ZNF91: variants seen among roughly 807,000 people sequenced by gnomAD.
ZNF91 encodes the protein zinc finger protein 91 (HPF7, HTF10).
Under a neutral mutation model 12.6 loss-of-function variants are expected in ZNF91, and 7 were observed. The ratio of observed to expected loss-of-function variants is 0.55; its 90% CI spans 0.31 to 1.04. The LOEUF is 1.04. Ranked by LOEUF, ZNF91 falls within the 50% of genes least tolerant of loss-of-function variation. ZNF91 has a pLI of 0.05. For missense variants in ZNF91, 1,217 were observed against 1,385.4 expected, an observed-to-expected ratio of 0.88 and a Z score of 1.93; for synonymous variants, 453 against 462.6, an observed-to-expected ratio of 0.98 and a Z score of 0.27.
chr19:23,305,541 C>T (rs1411959050), intron 3 of ZNF91, among the ~76,000 whole-genome samples: 7 of 152,200 alleles, frequency 4.6e-5, no homozygotes, highest in Admixed American at 2.0e-4. Context: ...AGTCAATTAA[C>T]TCAAATCAGG....
chr19:23,387,629 T>C (rs976609838), intron 1 of ZNF91, among the ~76,000 whole-genome samples: 1 of 152,078 alleles, frequency 6.6e-6, no homozygotes, highest in Non-Finnish European at 1.5e-5. Flanking sequence ...CCCAGCTACT[T>C]GGAAGGCTGA....
rs565252655 is a variant in ZNF91 at position 23,323,350 on chromosome 19, C to T, written n.117-14253G>A. 8.5e-3 allele frequency among the ~76,000 whole-genome samples: 1,221 copies of T among 144,136 alleles called. 11 individuals are homozygous for T. The highest frequency in any genetic ancestry group is 0.012 in the Non-Finnish European group (797 of 64,952). 94.6% of individuals were successfully genotyped at this position (144,136 alleles called of 152,430 possible). A position where few individuals can be genotyped will look rare whatever the true frequency, so the allele number is the denominator to read the frequency against. On this transcript the variant is annotated intron_variant and non_coding_transcript_variant, in intron 1 of 1. Transcript: ENST00000596528. ...TTCTCCTCGTCCTCCTCCTCCTCTC[C>T]CCCTCCTTTCCTCCTCTTCCCTTCC...
chr19:23,354,650 G>A (rs1968444690), downstream of ZNF91, among the ~76,000 whole-genome samples: 1 of 152,062 alleles, frequency 6.6e-6, no homozygotes, highest in South Asian at 2.1e-4. Context: ...GAAATGAAGG[G>A]CATCCAAATC....
Position 23,362,418 on chromosome 19 carries a change from A to G in ZNF91, c.561T>C (p.Cys187=), listed in dbSNP as rs370172224. ...GTAAACGGATGCAAAATGACTTGACACATTTTTTACATTTGAAGCATTTCT... is the reference window on the plus strand; with the variant it reads ...GTAAACGGATGCAAAATGACTTGACGCATTTTTTACATTTGAAGCATTTCT... ...TGKKCFKCKK[C]VKSFCIRLHK... Residue 187 remains cysteine, a synonymous_variant, in exon 4 of 4, where the codon TGT becomes TGC. Transcript: ENST00000300619. 9 of 1,613,892 alleles carry G rather than the reference A, an allele frequency of 5.6e-6. No individual in the cohort carries two copies. Among genetic ancestry groups the G allele is most frequent in the Non-Finnish European group, 7.6e-6 (9 of 1,179,986 alleles).
chr19:23,362,118 T>C lies in ZNF91; in HGVS notation c.861A>G (p.Ile287Met). The change falls in exon 4 of 4, where the codon ATA becomes ATG. Residue 287 changes from isoleucine to methionine, a missense_variant. By Grantham distance (10) the Ile-to-Met change is conservative (BLOSUM62 1). Transcript: ENST00000300619. ...WSSTLTRHKR[I>M]HTGEKPYKCE... The stretch of plus-strand genomic sequence containing the variant: ...ATTTGTAGGGTTTCTCTCCAGTGTG[T>C]ATCCTCTTATGTCTAGTTAGGGTTG... 6.2e-7 allele frequency: 1 copy of C among 1,613,498 alleles called. No individual in the cohort carries two copies.
In ZNF91 at chr19:23,394,010, TA is replaced by T. The variant is rs1376873201; in HGVS notation, c.30+1314del. ...AAGGCTCTGTCTCAAAAATTAAAAA[TA>T]AAAATGATTAAAATCGGTATCAAAA... On this transcript the variant is annotated intron_variant, in intron 1 of 3. Transcript: ENST00000300619. Among the ~76,000 whole-genome samples the T allele has an allele frequency of 5.3e-5, 8 of 152,028 alleles. No homozygotes were observed. In the East Asian group the frequency reaches 1.4e-3, roughly 26 times the overall value.
chr19:23,324,745 A>G (rs1249287371), intron 1 of ZNF91: 1 of 151,930 alleles, frequency 6.6e-6, no homozygotes, highest in African/African-American at 2.4e-5. Flanking sequence ...ACCTGACTAA[A>G]TTCTTTTTTA....
At chr19:23,351,907 A>G (rs997784418) in intron 3 of ZNF91, among the ~76,000 whole-genome samples, 5 of 152,154 alleles carry the variant, frequency 3.3e-5, no homozygotes, top group Admixed American at 3.3e-4. Context: ...CTGAATCCCG[A>G]AGCAGCCCAT....
intron 3 of ZNF91, among the ~76,000 whole-genome samples, chr19:23,364,416 G>T (rs1968921179): frequency 6.6e-6 from 1 of 152,136 alleles, no homozygotes; most frequent in African/African-American, 2.4e-5. Context: ...TTGCACTCCA[G>T]CCTGGGCAAC....
intron 3 of ZNF91, chr19:23,340,274 G>A: frequency 6.6e-6 from 1 of 151,984 alleles, no homozygotes; most frequent in Non-Finnish European, 1.5e-5. Context: ...AGACAAAATT[G>A]GTAAATTGCT....
At chr19:23,385,091 ACTC>A (rs1599756371) in intron 1 of ZNF91, 3 of 899,246 alleles carry the variant, frequency 3.3e-6, no homozygotes, top group Non-Finnish European at 5.6e-6. Context: ...AGGGACAGCC[ACTC>A]CTCCAACCTG....
intron 1 of ZNF91, among the ~76,000 whole-genome samples, chr19:23,330,453 G>A (rs1401173752): frequency 6.6e-6 from 1 of 152,206 alleles, no homozygotes; most frequent in Non-Finnish European, 1.5e-5. Context: ...CAGAATCGGA[G>A]GTGAGCCCCA....
chr19:23,384,750 C>A, intron 1 of ZNF91: 1 of 626,276 alleles, frequency 1.6e-6, no homozygotes, highest in Non-Finnish European at 2.9e-6. Context: ...AGAAAGCACA[C>A]CTGGGTCAGC....
At chr19:23,312,602 C>T (rs1189614885), upstream of ZNF91, among the ~76,000 whole-genome samples, 1 of 152,100 alleles carries the variant, frequency 6.6e-6, no homozygotes, top group South Asian at 2.1e-4. Flanking sequence ...GACTATCATA[C>T]ATAAACATGT....
rs1289876301 is a variant in ZNF91, at chr19:23,357,834, T to G, written c.*1569A>C. On this transcript the variant is annotated 3_prime_UTR_variant, in exon 4 of 4. Transcript: ENST00000300619. Reference sequence around the variant, plus strand: ...TATTTGTAATACAAAGAATAAATGCTAGAGGTAATGGAGACCGCATTTAGT... The same window carrying G: ...TATTTGTAATACAAAGAATAAATGCGAGAGGTAATGGAGACCGCATTTAGT... 1 of 152,176 alleles carries G rather than the reference T, an allele frequency of 6.6e-6. No individual in the cohort carries two copies. Among genetic ancestry groups the G allele is most frequent in the African/African-American group, 2.4e-5 (1 of 41,464 alleles). 9.4% of individuals were successfully genotyped at this position (152,176 alleles called of 1,614,324 possible).
downstream of ZNF91, among the ~76,000 whole-genome samples, chr19:23,355,872 A>C (rs1011916311): frequency 6.6e-6 from 1 of 152,236 alleles, no homozygotes; most frequent in African/African-American, 2.4e-5. Flanking sequence ...AAGAAGATAT[A>C]CAAATGGCCA....
intron 1 of ZNF91, among the ~76,000 whole-genome samples, chr19:23,323,757 A>T (rs1190927812): frequency 7.9e-5 from 10 of 126,556 alleles, no homozygotes; most frequent in Admixed American, 3.4e-4. Context: ...TCTTTTTCTC[A>T]TTCTTTTCGT....
intron 1 of ZNF91, among the ~76,000 whole-genome samples, chr19:23,333,456 G>C (rs1455758809): frequency 2.0e-5 from 3 of 152,154 alleles, no homozygotes; most frequent in East Asian, 1.9e-4. Flanking sequence ...GCCTCTGGGA[G>C]GTATTATTTC....
At chr19:23,328,634 G>A (rs1337804294) in intron 1 of ZNF91, 1 of 152,206 alleles carries the variant, frequency 6.6e-6, no homozygotes, top group African/African-American at 2.4e-5. Context: ...TACCCAAGTA[G>A]TAAATAGACC....
Sources: allele counts gnomAD v4.1 joint callset (sites outside exome capture counted in the v4.1 genomes callset), GRCh38; gene constraint gnomAD v4.1.1; transcripts MANE v1.5; gene names NCBI Gene and HGNC (gene_info 2026-07-23, HGNC 2026-07-21).